Variants in GRK1 observed in about 807,000 individuals in gnomAD.
GRK1 encodes G protein-coupled receptor kinase 1.
A neutral mutation model predicts 41.7 loss-of-function variants in GRK1; 28 were observed. That is an observed-to-expected ratio of 0.67 (90% confidence interval 0.50 to 0.92). GRK1 has a LOEUF of 0.92. Among genes scored for constraint, GRK1 ranks in the 40% least tolerant of loss-of-function variants. The probability of loss-of-function intolerance (pLI) is 0.00; values close to 1 mark genes in which losing one functional copy is unlikely to be tolerated. For synonymous variants in GRK1, 327 were observed against 286.7 expected (o/e 1.14, Z -1.42); for missense variants, 703 against 671.2 (o/e 1.05, Z -0.52).
chr13:113,650,963 A>G, the GRK1 span, among the ~76,000 whole-genome samples: 1 of 152,078 alleles, frequency 6.6e-6, no homozygotes, highest in Admixed American at 6.5e-5. This position sits in a 1 kb window ranked among gnomAD's most constrained non-coding sequence, Gnocchi z 5.0. Flanking sequence ...ATCAACGAAC[A>G]GCTGAAGGGT....
chr13:113,668,251 G>A (rs2049833573), intron 1 of GRK1, among the ~76,000 whole-genome samples, 166 bp downstream of exon 1: 1 of 152,244 alleles, frequency 6.6e-6, no homozygotes, highest in Admixed American at 6.5e-5. Context: ...GCGGCCGTGC[G>A]GTTACGAGCA....
upstream of GRK1, among the ~76,000 whole-genome samples, chr13:113,662,649 C>A (rs1383301725): frequency 6.6e-6 from 1 of 152,196 alleles, no homozygotes; most frequent in Non-Finnish European, 1.5e-5. Flanking sequence ...CATCTATATA[C>A]TAGCAATAGG....
the GRK1 span, among the ~76,000 whole-genome samples, chr13:113,660,314 G>T: frequency 1.2e-4 from 19 of 152,248 alleles, no homozygotes; most frequent in African/African-American, 4.6e-4. Context: ...TCCCACTGTG[G>T]TGTCAGTGGA....
chr13:113,667,271 G>C lies in GRK1; in HGVS notation c.-116G>C. 1 of 1,031,370 alleles carries C rather than the reference G, an allele frequency of 9.7e-7. No homozygotes were observed. Among genetic ancestry groups the C allele is most frequent in the East Asian group, 2.6e-5 (1 of 38,196 alleles). The allele number at this position is 1,031,370 out of a possible 1,614,324, so 63.9% of individuals were successfully genotyped here. A position where few individuals can be genotyped will look rare whatever the true frequency, so the allele number is the denominator to read the frequency against. On this transcript the variant is annotated 5_prime_UTR_variant, in exon 1 of 7. Transcript: ENST00000335678. The surrounding 1 kb of genome is among the most constrained non-coding windows in gnomAD (Gnocchi z 7.5). ...CCAGGGCGTCTCTCTCGTCCAGCAA[G>C]GGCAGGGACGGGCCACAGGCCAAGG...
At chr13:113,733,911 A>T (rs1251456454) in intron 6 of GRK1, among the ~76,000 whole-genome samples, 67 of 57,334 alleles carry the variant, frequency 1.2e-3, no homozygotes, top group Admixed American at 2.3e-3. Flanking sequence ...GTGTGCATAC[A>T]GTGTGCGTGT....
chr13:113,665,944 AG>A (rs1422421336), upstream of GRK1, among the ~76,000 whole-genome samples: 2 of 113,196 alleles, frequency 1.8e-5, no homozygotes, highest in Non-Finnish European at 3.6e-5. Context: ...TGTGCCCCCC[AG>A]TGCATCCCAG....
In GRK1 at chr13:113,732,964, C is replaced by T. The variant is rs1161829911; in HGVS notation, c.1275C>T (p.Asp425=). ...YPDKFSQASK[D]FCEALLEKDP... is the part of the protein sequence containing the mutation. ...ATAAGTTCAGCCAGGCCAGCAAGGA[C>T]TTCTGCGAGGCGCTGCTGGAGAAGG... The change falls in exon 6 of 7, where the codon GAC becomes GAT. Residue 425 remains aspartate, a synonymous_variant. Coordinates refer to ENST00000335678, the MANE Select transcript of GRK1 (RefSeq NM_002929.3). 5 of 1,537,080 alleles carry T rather than the reference C, an allele frequency of 3.3e-6. No individual in the cohort carries two copies. In the East Asian group the frequency reaches 9.8e-5, roughly 30 times the overall value.
chr13:113,649,615 A>G, the GRK1 span: 1 of 1,420,202 alleles, frequency 7.0e-7, no homozygotes, highest in South Asian at 1.5e-5. The surrounding 1 kb of genome is among the most constrained non-coding windows in gnomAD (Gnocchi z 4.7). Flanking sequence ...GGAAGTGTCA[A>G]CAGTCAGGTT....
At chr13:113,658,064 C>T in the GRK1 span, 1 of 1,609,860 alleles carries the variant, frequency 6.2e-7, no homozygotes, top group Non-Finnish European at 8.5e-7. Flanking sequence ...CCAGCATCTG[C>T]CCCGTGTCCG....
At chr13:113,654,166 G>A in the GRK1 span, among the ~76,000 whole-genome samples, 9 of 152,336 alleles carry the variant, frequency 5.9e-5, no homozygotes, top group East Asian at 1.5e-3. Context: ...GGATGCAGCT[G>A]GCTTTACATT....
At chr13:113,656,800 G>A in the GRK1 span, among the ~76,000 whole-genome samples, 3 of 152,112 alleles carry the variant, frequency 2.0e-5, no homozygotes, top group Non-Finnish European at 4.4e-5. Context: ...GGTTCTCTGT[G>A]GCCCTGCAGC....
chr13:113,668,969 C>T (rs565406190), intron 1 of GRK1, among the ~76,000 whole-genome samples: 3 of 152,380 alleles, frequency 2.0e-5, no homozygotes, highest in East Asian at 3.9e-4. Flanking sequence ...CCGTGGAACT[C>T]GGGGCGAGTA....
chr13:113,734,782 G>A (rs2049990663), intron 6 of GRK1: 1 of 319,862 alleles, frequency 3.1e-6, no homozygotes, highest in Middle Eastern at 8.8e-4. Flanking sequence ...CTCCCAACAA[G>A]GCAGATGTGA....
chr13:113,648,631 T>TTGGTGAACGAGAAG, the GRK1 span, among the ~76,000 whole-genome samples: 1 of 152,216 alleles, frequency 6.6e-6, no homozygotes, highest in Non-Finnish European at 1.5e-5. Flanking sequence ...AGACTTGTTC[T>TTGGTGAACGAGAAG]TGGTGAACGA....
chr13:113,671,426 C>G lies in GRK1; in HGVS notation c.828-73C>G. ...TGGCCGAGAGACATGGTTCTGAGGC[C>G]CCAGCTCTGTCTTTCCATGATTTTA... On this transcript the variant is annotated intron_variant, in intron 2 of 6. Coordinates refer to ENST00000335678, the MANE Select transcript of GRK1 (RefSeq NM_002929.3). This position sits in a 1 kb window ranked among gnomAD's most constrained non-coding sequence, Gnocchi z 4.1. 1.3e-6 allele frequency: 1 copy of G among 765,972 alleles called. No homozygotes were observed. Among genetic ancestry groups the G allele is most frequent in the Non-Finnish European group, 2.4e-6 (1 of 415,288 alleles). 47.4% of individuals were successfully genotyped at this position (765,972 alleles called of 1,614,324 possible).
At position 113,671,517 on chromosome 13, in the gene GRK1, G is replaced by T; in HGVS notation, c.846G>T (p.Val282=). 1.3e-6 allele frequency: 1 copy of T among 779,486 alleles called. No individual in the cohort carries two copies. 48.3% of individuals were successfully genotyped at this position (779,486 alleles called of 1,614,324 possible). The change falls in exon 3 of 7, where the codon GTG becomes GTT. Residue 282 remains valine (V), a synonymous_variant. Coordinates refer to ENST00000335678, the MANE Select transcript of GRK1 (RefSeq NM_002929.3). The surrounding 1 kb of genome is among the most constrained non-coding windows in gnomAD (Gnocchi z 4.1). ...CCCCCAGGTACCACATCTACAACGTGAATGAGGAGAACCCTGGCTTCCCGG... is the reference window on the plus strand; with the variant it reads ...CCCCCAGGTACCACATCTACAACGTTAATGAGGAGAACCCTGGCTTCCCGG... The part of the protein sequence containing the change: ...GGDIRYHIYN[V]NEENPGFPEP...
Position 113,731,099 on chromosome 13 carries a change from G to T in GRK1, c.1070-120G>T. ...CACAAAGGATTTTCTGGCCCCAAAT[G>T]TGGAGAGTGCTGAGGCCCCGGGGGG... On this transcript the variant is annotated intron_variant, in intron 4 of 6. Coordinates refer to ENST00000335678, the MANE Select transcript of GRK1 (RefSeq NM_002929.3). This position sits in a 1 kb window ranked among gnomAD's most constrained non-coding sequence, Gnocchi z 5.6. 7.2e-7 allele frequency: 1 copy of T among 1,389,208 alleles called. No individual in the cohort carries two copies. Among genetic ancestry groups the T allele is most frequent in the Non-Finnish European group, 9.6e-7 (1 of 1,046,650 alleles). 86.1% of individuals were successfully genotyped at this position (1,389,208 alleles called of 1,614,324 possible).
chr13:113,659,492 A>G, the GRK1 span, among the ~76,000 whole-genome samples: 1 of 152,204 alleles, frequency 6.6e-6, no homozygotes, highest in Non-Finnish European at 1.5e-5. Context: ...ATTTTTTAGG[A>G]TAATTTAGAG....
At chr13:113,725,176 TCCCACGCGCCC>T (rs2049883102) in intron 4 of GRK1, among the ~76,000 whole-genome samples, 2 of 104,180 alleles carry the variant, frequency 1.9e-5, no homozygotes, top group Middle Eastern at 6.3e-3. Flanking sequence ...CCTCGCGCCC[TCCCACGCGCCC>T]CCCACGCAGC....
Sources: allele counts gnomAD v4.1 joint callset (sites outside exome capture counted in the v4.1 genomes callset), GRCh38; gene constraint gnomAD v4.1.1; non-coding constraint Gnocchi (gnomAD v3.1); transcripts MANE v1.5; gene names NCBI Gene and HGNC (gene_info 2026-07-23, HGNC 2026-07-21).